Variants in ADGRB1 observed in about 807,000 individuals in gnomAD.
The protein encoded by ADGRB1 is adhesion G protein-coupled receptor B1.
A neutral mutation model predicts 175.7 loss-of-function variants in ADGRB1; 36 were observed. That is an observed-to-expected ratio of 0.20 (90% CI 0.16 to 0.27). The LOEUF (loss-of-function observed/expected upper bound fraction) is 0.27, where lower values mean the gene tolerates loss of function less well. ADGRB1 is among the 10% of genes least tolerant of loss of function. The pLI is 1.00. For missense variants in ADGRB1, 1,731 were observed against 2,255.3 expected, an observed-to-expected ratio of 0.77 and a Z score of 4.71; for synonymous variants, 1,054 against 979.4, an observed-to-expected ratio of 1.08 and a Z score of -1.42.
intron 17 of ADGRB1, among the ~76,000 whole-genome samples, chr8:142,497,686 C>T (rs1235370595): frequency 2.0e-5 from 3 of 152,236 alleles, no homozygotes; most frequent in African/African-American, 7.2e-5. Flanking sequence ...GGCCTAGCTT[C>T]TGCCCCTGCA....
intron 22 of ADGRB1, 50 bp from the exon 23 acceptor site, chr8:142,524,188 T>C: frequency 1.3e-6 from 2 of 1,563,938 alleles, no homozygotes; most frequent in South Asian, 1.2e-5. Flanking sequence ...AGCACCTCTC[T>C]GCACGCCCCT....
At chr8:142,482,175 C>A (rs34794913) in intron 11 of ADGRB1, among the ~76,000 whole-genome samples, 1 of 143,740 alleles carries the variant, frequency 7.0e-6, no homozygotes, top group Non-Finnish European at 1.5e-5. Flanking sequence ...GAGCCCTGAC[C>A]CTGGTCACAC....
intron 19 of ADGRB1, among the ~76,000 whole-genome samples, chr8:142,519,440 G>T (rs1056940241): frequency 6.6e-6 from 1 of 152,208 alleles, no homozygotes; most frequent in Non-Finnish European, 1.5e-5. Flanking sequence ...TCTCCAGCTG[G>T]GTGGACCTCA....
At chr8:142,508,980 C>T (rs1282668693) in intron 17 of ADGRB1, among the ~76,000 whole-genome samples, 1 of 152,230 alleles carries the variant, frequency 6.6e-6, no homozygotes. Flanking sequence ...CTGTGATCTC[C>T]GCCACAGTTT....
At position 142,522,105 on chromosome 8, in the gene ADGRB1, C is replaced by T. The variant is rs1843885376; in HGVS notation, c.3165C>T (p.Cys1055=). The T allele has an allele frequency of 6.2e-7, 1 of 1,610,072 alleles. No individual in the cohort carries two copies. Among genetic ancestry groups the T allele is most frequent in the South Asian group, 1.1e-5 (1 of 91,058 alleles). ...GCCTCATCCGCAAGCGCTTCCTCTG[C>T]CTGGGCTGGGGTGAGCCGCGGCCTT... ...RNRLIRKRFL[C]LGWGLPALVV... Residue 1055 remains cysteine (C), a synonymous_variant, in exon 21 of 31, where the codon TGC becomes TGT. Transcript: ENST00000517894.
chr8:142,520,866 C>T lies in ADGRB1; in HGVS notation c.2965C>T (p.Leu989=), dbSNP rs767154152. The T allele has an allele frequency of 1.2e-6, 2 of 1,613,660 alleles. No individual in the cohort carries two copies. Among genetic ancestry groups the T allele is most frequent in the African/African-American group, 1.3e-5 (1 of 74,902 alleles). ...ERSVILINFC[L]SIISSNALIL... ...TTCTGTCATCCTCATCAACTTCTGC[C>T]TGTCCATCATCTCCTCCAATGCCCT... Residue 989 remains leucine (L), a synonymous_variant, in exon 20 of 31, where the codon CTG becomes TTG. Transcript: ENST00000517894.
chr8:142,536,993 G>A lies in ADGRB1; in HGVS notation c.3577G>A (p.Asp1193Asn), dbSNP rs751603092. ...VHCILRREVQ[D>N]AVKCRVVDRQ... ...CTCGGCTCTCCCTCCCCAGGTCCAGGACGCTGTGAAATGCCGTGTGGTTGA... is the reference window on the plus strand; with the variant it reads ...CTCGGCTCTCCCTCCCCAGGTCCAGAACGCTGTGAAATGCCGTGTGGTTGA... The change falls in exon 26 of 31, where the codon GAC (aspartate) becomes AAC (asparagine). Residue 1193 changes from aspartate (D) to asparagine (N), a missense_variant. Around this residue, in one of 8 missense-constraint regions of ADGRB1, gnomAD observed 301 missense variants for 488.4 expected, o/e 0.62. Transcript: ENST00000517894. 1 of 1,589,748 alleles carries A rather than the reference G, an allele frequency of 6.3e-7. No individual in the cohort carries two copies. Among genetic ancestry groups the A allele is most frequent in the South Asian group, 1.1e-5 (1 of 87,282 alleles).
chr8:142,527,373 G>A (rs1381049327), intron 24 of ADGRB1, among the ~76,000 whole-genome samples: 1 of 152,154 alleles, frequency 6.6e-6, no homozygotes, highest in Admixed American at 6.5e-5. Context: ...GTCTTGCTTG[G>A]ATGCTTGGTG....
intron 7 of ADGRB1, 31 bp downstream of exon 7, chr8:142,478,391 G>C (rs768760034): frequency 1.3e-6 from 2 of 1,558,004 alleles, no homozygotes; most frequent in Non-Finnish European, 1.7e-6. Flanking sequence ...GGGTCGGGGG[G>C]CACCTAACAA....
chr8:142,539,141 C>G (rs1845112600), intron 26 of ADGRB1, among the ~76,000 whole-genome samples: 1 of 152,204 alleles, frequency 6.6e-6, no homozygotes, highest in Non-Finnish European at 1.5e-5. Flanking sequence ...GACATATCCA[C>G]AAACACGCAC....
At chr8:142,472,414 G>A (rs561779290) in intron 2 of ADGRB1, among the ~76,000 whole-genome samples, 6 of 152,244 alleles carry the variant, frequency 3.9e-5, no homozygotes, top group Admixed American at 6.5e-5. Flanking sequence ...GTTTCTTTCC[G>A]GTCCTGGAGG....
In ADGRB1 at chr8:142,510,948, C is replaced by G. The variant is rs767474733; in HGVS notation, c.2692C>G (p.Pro898Ala). 7.8e-7 allele frequency: 1 copy of G among 1,290,018 alleles called. No individual in the cohort carries two copies. The highest frequency in any genetic ancestry group is 1.0e-6 in the Non-Finnish European group (1 of 1,001,276). 79.9% of individuals were successfully genotyped at this position (1,290,018 alleles called of 1,614,324 possible). A position where few individuals can be genotyped will look rare whatever the true frequency, so the allele number is the denominator to read the frequency against. The part of the protein sequence containing the change: ...DETDVPSSSA[P>A]PQLGPWSWRG... ...CGCCCCCAGACCCTCCTCCTCCGCC[C>G]CCCCGCAGCTCGGGCCCTGGTCGTG... Residue 898 changes from proline (P) to alanine (A), a missense_variant, in exon 18 of 31, where the codon CCC becomes GCC. Transcript: ENST00000517894. The surrounding 1 kb of genome is among the most constrained non-coding windows in gnomAD (Gnocchi z 6.3).
rs1348486976 is a variant in ADGRB1, at chr8:142,510,195, T to A, written c.2676-737T>A. ...CCCTGGTGCACCAAGTAACAAGTCC[T>A]GTGCTTAAATGCGTGCTCAGATGAA... On this transcript the variant is annotated intron_variant, in intron 17 of 30. Coordinates refer to ENST00000517894, the MANE Select transcript of ADGRB1 (RefSeq NM_001702.3). This position sits in a 1 kb window ranked among gnomAD's most constrained non-coding sequence, Gnocchi z 6.3. Among the ~76,000 whole-genome samples the A allele has an allele frequency of 2.0e-5, 3 of 152,100 alleles. No individual in the cohort carries two copies. The highest frequency in any genetic ancestry group is 1.9e-4 in the East Asian group (1 of 5,148).
chr8:142,519,864 A>C (rs1016061771), intron 19 of ADGRB1, among the ~76,000 whole-genome samples: 2 of 115,582 alleles, frequency 1.7e-5, no homozygotes, highest in Admixed American at 1.7e-4. Context: ...GGTCGTGGTG[A>C]TGGTGGTGCT....
intron 18 of ADGRB1, among the ~76,000 whole-genome samples, chr8:142,514,831 G>C (rs950930270): frequency 6.6e-6 from 1 of 152,086 alleles, no homozygotes; most frequent in Admixed American, 6.5e-5. Flanking sequence ...ATTGGGGCTC[G>C]GGGTATAATC....
At position 142,543,805 on chromosome 8, in the gene ADGRB1, TCCATC is replaced by T; in HGVS notation, c.4557+99_4557+103del. 1 of 1,157,666 alleles carries T rather than the reference TCCATC, an allele frequency of 8.6e-7. No individual in the cohort carries two copies. Among genetic ancestry groups the T allele is most frequent in the Non-Finnish European group, 1.3e-6 (1 of 795,462 alleles). 71.7% of individuals were successfully genotyped at this position (1,157,666 alleles called of 1,614,324 possible). The stretch of plus-strand genomic sequence containing the variant: ...TTTGTGCACTTCATCCATCCATCCA[TCCATC>T]CATCCATTCGTTCATTCATTCATTC... On this transcript the variant is annotated intron_variant, in intron 30 of 30. Coordinates refer to ENST00000517894, the MANE Select transcript of ADGRB1 (RefSeq NM_001702.3). The surrounding 1 kb of genome is among the most constrained non-coding windows in gnomAD (Gnocchi z 4.4).
At chr8:142,497,039 A>G (rs953330538) in intron 17 of ADGRB1, among the ~76,000 whole-genome samples, 1 of 152,238 alleles carries the variant, frequency 6.6e-6, no homozygotes, top group Non-Finnish European at 1.5e-5. Flanking sequence ...CCTGAAGCTC[A>G]GCCTCAGGCC....
At chr8:142,525,690 C>G (rs778309674) in intron 23 of ADGRB1, among the ~76,000 whole-genome samples, 9 of 152,154 alleles carry the variant, frequency 5.9e-5, no homozygotes, top group African/African-American at 1.9e-4. Context: ...GGTCTACCAC[C>G]CTGGTCTTCT....
At chr8:142,502,055 C>A (rs1165565394) in intron 17 of ADGRB1, among the ~76,000 whole-genome samples, 1 of 21,338 alleles carries the variant, frequency 4.7e-5, no homozygotes. Flanking sequence ...TGATGGTGGT[C>A]GGGGTGGGGG....
Sources: allele counts gnomAD v4.1 joint callset (sites outside exome capture counted in the v4.1 genomes callset), GRCh38; gene constraint gnomAD v4.1.1; regional missense constraint gnomAD v4.1.1; non-coding constraint Gnocchi (gnomAD v3.1); transcripts MANE v1.5; gene names NCBI Gene and HGNC (gene_info 2026-07-23, HGNC 2026-07-21).